Variants in STX8 observed in about 807,000 individuals in gnomAD.
STX8 encodes syntaxin-8.
Under a neutral mutation model 37.5 loss-of-function variants are expected in STX8, and 23 were observed. The observed-to-expected ratio is 0.61, with a 90% CI of 0.44 to 0.87. The LOEUF (loss-of-function observed/expected upper bound fraction) is 0.87, where lower values mean the gene tolerates loss of function less well. STX8 is among the 40% of genes least tolerant of loss of function. The probability of loss-of-function intolerance (pLI) is 0.00; values close to 1 mark genes in which losing one functional copy is unlikely to be tolerated. For missense variants in STX8, 313 were observed against 284.7 expected (o/e 1.10, Z -0.71); for synonymous variants, 115 against 99.1 (o/e 1.16, Z -0.95).
intron 6 of STX8, among the ~76,000 whole-genome samples, chr17:9,446,439 C>T (rs1006370911): frequency 1.3e-5 from 2 of 152,184 alleles, no homozygotes; most frequent in East Asian, 3.8e-4. Flanking sequence ...ATTACCACCA[C>T]GTCCACAGTT....
At chr17:9,487,756 G>A (rs1310971711) in intron 6 of STX8, among the ~76,000 whole-genome samples, 1 of 152,192 alleles carries the variant, frequency 6.6e-6, no homozygotes, top group Non-Finnish European at 1.5e-5. Context: ...AAGGGATAGG[G>A]GCAAAATGTG....
At chr17:9,552,650 TTTTC>T (rs1906810766) in intron 3 of STX8, 1 of 150,634 alleles carries the variant, frequency 6.6e-6, no homozygotes, top group South Asian at 2.1e-4. Context: ...ATTTATAGAT[TTTTC>T]TTTTTTTTTT....
intron 7 of STX8, among the ~76,000 whole-genome samples, chr17:9,366,526 G>A (rs908706356): frequency 2.6e-5 from 4 of 152,166 alleles, no homozygotes; most frequent in African/African-American, 7.2e-5. Flanking sequence ...CATCGCACCC[G>A]GCCTGCGTTA....
chr17:9,470,761 C>T (rs1324707795), intron 6 of STX8, among the ~76,000 whole-genome samples: 2 of 152,116 alleles, frequency 1.3e-5, no homozygotes, highest in Non-Finnish European at 2.9e-5. Flanking sequence ...GAGTCTCACT[C>T]TGTCTCCCAG....
At chr17:9,464,354 G>A (rs1265687651) in intron 6 of STX8, among the ~76,000 whole-genome samples, 10 of 152,162 alleles carry the variant, frequency 6.6e-5, no homozygotes, top group Admixed American at 6.5e-4. Flanking sequence ...TACGATACCA[G>A]GCAAATGTTT....
intron 6 of STX8, among the ~76,000 whole-genome samples, chr17:9,419,310 C>T (rs568417804): frequency 1.2e-4 from 19 of 152,270 alleles, no homozygotes; most frequent in African/African-American, 4.1e-4. Context: ...CTCCTGGCCT[C>T]AAGTGATCCT....
At chr17:9,347,896 C>T in intron 7 of STX8, among the ~76,000 whole-genome samples, 1 of 152,144 alleles carries the variant, frequency 6.6e-6, no homozygotes, top group East Asian at 1.9e-4. Flanking sequence ...TAATATATAG[C>T]TTTTTGTTTC....
intron 3 of STX8, 128 bp from the exon 4 acceptor site, chr17:9,545,410 C>G: frequency 3.1e-6 from 2 of 654,868 alleles, no homozygotes; most frequent in East Asian, 2.7e-5. Flanking sequence ...AGAAGGGATG[C>G]GCACCACTCT....
At chr17:9,326,185 C>T (rs532902862) in intron 7 of STX8, among the ~76,000 whole-genome samples, 22 of 151,928 alleles carry the variant, frequency 1.4e-4, no homozygotes, top group Admixed American at 7.2e-4. Flanking sequence ...GGCTAGAGTG[C>T]AGTGGCACGA....
At chr17:9,349,316 CTTTTTTTTTTTT>C (rs61627405) in intron 7 of STX8, among the ~76,000 whole-genome samples, 1 of 109,798 alleles carries the variant, frequency 9.1e-6, no homozygotes, top group East Asian at 2.4e-4. Context: ...ATTTTCTTTT[CTTTTTTTTTTTT>C]TTTTTTTTTG....
intron 7 of STX8, among the ~76,000 whole-genome samples, chr17:9,253,155 C>T (rs75278445): frequency 0.021 from 3,112 of 151,342 alleles, 101 homozygotes; most frequent in African/African-American, 0.071. Context: ...GGTGGAGTTA[C>T]ACTATTTTAC....
At chr17:9,569,312 G>C (rs1488876998) in intron 1 of STX8, among the ~76,000 whole-genome samples, 1 of 152,200 alleles carries the variant, frequency 6.6e-6, no homozygotes, top group African/African-American at 2.4e-5. Context: ...TAGGTGCTAA[G>C]AAGAAAAACG....
chr17:9,352,005 G>T (rs188030660), intron 7 of STX8, among the ~76,000 whole-genome samples: 1 of 152,046 alleles, frequency 6.6e-6, no homozygotes, highest in Non-Finnish European at 1.5e-5. Flanking sequence ...CAAAAAATTA[G>T]CTGGGTACGG....
chr17:9,330,812 A>G (rs1252929729), intron 7 of STX8, among the ~76,000 whole-genome samples: 1 of 152,220 alleles, frequency 6.6e-6, no homozygotes, highest in Non-Finnish European at 1.5e-5. Context: ...TGGGCCCCCT[A>G]CAGACAAAGC....
intron 6 of STX8, among the ~76,000 whole-genome samples, chr17:9,396,918 A>G (rs1156546412): frequency 6.6e-6 from 1 of 152,206 alleles, no homozygotes; most frequent in Non-Finnish European, 1.5e-5. Flanking sequence ...GTATGCAACA[A>G]CATCACTGAA....
intron 7 of STX8, among the ~76,000 whole-genome samples, chr17:9,365,016 A>G (rs905656453): frequency 6.6e-6 from 1 of 152,162 alleles, no homozygotes; most frequent in African/African-American, 2.4e-5. Context: ...TGATGAGGAG[A>G]AGAGAAAGTG....
chr17:9,343,748 C>T (rs1910447362), intron 7 of STX8, among the ~76,000 whole-genome samples: 1 of 152,150 alleles, frequency 6.6e-6, no homozygotes. Flanking sequence ...AACCCCACCC[C>T]CTCCTCCTGC....
intron 6 of STX8, among the ~76,000 whole-genome samples, chr17:9,410,719 T>C (rs1912950113): frequency 6.6e-6 from 1 of 152,234 alleles, no homozygotes; most frequent in African/African-American, 2.4e-5. Context: ...CGTTTCAACT[T>C]GACAAAAGAA....
chr17:9,415,526 C>T (rs1401485043), intron 6 of STX8, among the ~76,000 whole-genome samples: 1 of 151,990 alleles, frequency 6.6e-6, no homozygotes, highest in African/African-American at 2.4e-5. Context: ...AATCCCAGCA[C>T]TTTGGGAGGC....
Sources: gnomAD v4.1 joint callset for allele counts (sites outside exome capture counted in the v4.1 genomes callset) on GRCh38, gnomAD v4.1.1 for gene constraint, MANE v1.5 for transcripts, NCBI Gene and HGNC (gene_info 2026-07-23, HGNC 2026-07-21) for gene names.